ZCCHC14: variants seen among roughly 807,000 people sequenced by gnomAD.
The protein encoded by ZCCHC14 is zinc finger CCHC-type containing 14, also known as zinc finger CCHC domain-containing protein 14.
Under a neutral mutation model 85.0 loss-of-function variants are expected in ZCCHC14, and 16 were observed. The observed-to-expected ratio is 0.19, with a 90% confidence interval of 0.13 to 0.29. The LOEUF (loss-of-function observed/expected upper bound fraction) is 0.29, where lower values mean the gene tolerates loss of function less well. Ranked by LOEUF, ZCCHC14 falls within the 10% of genes least tolerant of loss-of-function variation. The pLI, the probability that ZCCHC14 is intolerant of heterozygous loss-of-function variation, is 1.00. For missense variants in ZCCHC14, 1,303 were observed against 1,443.5 expected (o/e 0.90, Z 1.58); for synonymous variants, 775 against 630.7 (o/e 1.23, Z -3.43).
chr16:87,465,680 C>T (rs146375081), intron 1 of ZCCHC14, among the ~76,000 whole-genome samples: 258 of 152,344 alleles, frequency 1.7e-3, no homozygotes, highest in African/African-American at 5.8e-3. Flanking sequence ...CTGGCTGAAA[C>T]GCAGGTTTGA....
At chr16:87,469,507 G>C (rs1911683185) in intron 1 of ZCCHC14, among the ~76,000 whole-genome samples, 1 of 152,234 alleles carries the variant, frequency 6.6e-6, no homozygotes, top group Non-Finnish European at 1.5e-5. Context: ...CCAGTGCTGG[G>C]TCCACACAGG....
intron 2 of ZCCHC14, among the ~76,000 whole-genome samples, chr16:87,449,780 C>G (rs542806510): frequency 2.0e-5 from 3 of 152,270 alleles, no homozygotes; most frequent in South Asian, 4.1e-4. Flanking sequence ...CATGGGGGCT[C>G]ACGCTTGTGA....
intron 9 of ZCCHC14, 147 bp downstream of exon 9, chr16:87,415,129 T>G: frequency 1.7e-6 from 1 of 596,154 alleles, no homozygotes; most frequent in South Asian, 2.2e-5. Context: ...AATAAATAAA[T>G]AAAAATAAAT....
At chr16:87,482,542 T>C (rs1485092754) in intron 1 of ZCCHC14, among the ~76,000 whole-genome samples, 1 of 152,094 alleles carries the variant, frequency 6.6e-6, no homozygotes, top group Non-Finnish European at 1.5e-5. Flanking sequence ...AAAAAAACCC[T>C]TCCTGGGGAT....
intron 2 of ZCCHC14, among the ~76,000 whole-genome samples, chr16:87,448,472 T>C (rs906830289): frequency 4.6e-5 from 7 of 152,172 alleles, no homozygotes; most frequent in African/African-American, 1.7e-4. Context: ...CACGAGGCCG[T>C]TTTCTTCCCG....
At chr16:87,460,245 C>T in intron 1 of ZCCHC14, 114 bp from the exon 2 acceptor site, 3 of 1,345,328 alleles carry the variant, frequency 2.2e-6, no homozygotes, top group South Asian at 1.5e-5. Flanking sequence ...TTCTACAAAA[C>T]ATGTATTATT....
chr16:87,443,036 G>T (rs1240542517), intron 2 of ZCCHC14, among the ~76,000 whole-genome samples: 1 of 152,216 alleles, frequency 6.6e-6, no homozygotes, highest in Non-Finnish European at 1.5e-5. Flanking sequence ...GGACCATCAG[G>T]AAGGAAAGAA....
chr16:87,433,089 G>C lies in ZCCHC14; in HGVS notation c.768+39C>G, dbSNP rs80015854. 0.021 allele frequency: 33,239 copies of C among 1,595,360 alleles called. 398 individuals carry two copies. The highest frequency in any genetic ancestry group is 0.024 in the Non-Finnish European group (28,376 of 1,163,622). ...CTCCAGGGTAAGTGTTTTCTTCCTA[G>C]CCTTCCAGGAGAGAGGGGAAAAAAA... On this transcript the variant is annotated intron_variant, in intron 3 of 12. Coordinates refer to ENST00000671377, the MANE Select transcript of ZCCHC14 (RefSeq NM_015144.3).
intron 2 of ZCCHC14, among the ~76,000 whole-genome samples, chr16:87,438,146 G>A (rs1365718303): frequency 1.3e-5 from 2 of 152,224 alleles, no homozygotes; most frequent in Non-Finnish European, 2.9e-5. Flanking sequence ...AACAGCAACC[G>A]GGCACGCGCT....
At chr16:87,431,472 G>GAAA (rs537437083) in intron 3 of ZCCHC14, among the ~76,000 whole-genome samples, 2 of 76,768 alleles carry the variant, frequency 2.6e-5, no homozygotes, top group African/African-American at 3.9e-5. Flanking sequence ...GGCTCTGTCT[G>GAAA]AAAAAAAAAA....
rs377493506 is a variant in ZCCHC14, at chr16:87,419,895, G to A, written c.951-18C>T. 1.9e-6 allele frequency: 3 copies of A among 1,577,990 alleles called. No homozygotes were observed. The highest frequency in any genetic ancestry group is 2.2e-5 in the East Asian group (1 of 44,534). On this transcript the variant is annotated intron_variant, in intron 5 of 12. Coordinates refer to ENST00000671377, the MANE Select transcript of ZCCHC14 (RefSeq NM_015144.3). Reference sequence around the variant, plus strand: ...CCAGGTACCTAAAAGGCAAACAAGTGGTCTTATCAACATTAAAATGGCATT... The same window carrying A: ...CCAGGTACCTAAAAGGCAAACAAGTAGTCTTATCAACATTAAAATGGCATT...
intron 1 of ZCCHC14, among the ~76,000 whole-genome samples, chr16:87,476,889 G>A (rs2150772539): frequency 6.6e-6 from 1 of 151,978 alleles, no homozygotes; most frequent in East Asian, 1.9e-4. Context: ...CACTTTGGAA[G>A]GCTGAGGAGG....
rs551285359 is a variant in ZCCHC14 at position 87,492,917 on chromosome 16, GCGGCGACGGCGA to G, written c.-691_-680del. On this transcript the variant is annotated 5_prime_UTR_variant, in exon 1 of 13. Transcript: ENST00000671377. The surrounding 1 kb of genome is among the most constrained non-coding windows in gnomAD (Gnocchi z 6.7). The stretch of plus-strand genomic sequence containing the variant: ...GGATCCGGGCCCGAGCGCGGCGGCG[GCGGCGACGGCGA>G]CGGCGACGGCGACGGCGACGGCGGA... Among the ~76,000 whole-genome samples, 2,902 of 145,312 alleles carry G rather than the reference GCGGCGACGGCGA, an allele frequency of 0.02. 67 individuals carry two copies. Among genetic ancestry groups the G allele is most frequent in the African/African-American group, 0.06 (2,351 of 39,080 alleles).
intron 1 of ZCCHC14, among the ~76,000 whole-genome samples, chr16:87,465,944 G>A (rs560135466): frequency 5.9e-5 from 9 of 152,240 alleles, no homozygotes; most frequent in Admixed American, 1.3e-4. Context: ...GTGAGCCACC[G>A]AGCCCGGTCT....
chr16:87,480,996 G>A (rs1912242904), intron 1 of ZCCHC14, among the ~76,000 whole-genome samples: 1 of 152,160 alleles, frequency 6.6e-6, no homozygotes, highest in African/African-American at 2.4e-5. Flanking sequence ...GCCAAGACCC[G>A]TAAGCCAGAA....
At chr16:87,416,797 T>C (rs991112201) in intron 8 of ZCCHC14, among the ~76,000 whole-genome samples, 3 of 152,054 alleles carry the variant, frequency 2.0e-5, no homozygotes, top group African/African-American at 7.2e-5. Flanking sequence ...AAACAAAGGG[T>C]ATTACAAATA....
At chr16:87,444,156 C>G (rs991634467) in intron 2 of ZCCHC14, among the ~76,000 whole-genome samples, 3 of 152,036 alleles carry the variant, frequency 2.0e-5, no homozygotes, top group African/African-American at 7.3e-5. Context: ...AGGGCACACA[C>G]AGCATCAGAT....
chr16:87,466,135 A>T (rs1462451281), intron 1 of ZCCHC14, among the ~76,000 whole-genome samples: 5 of 144,808 alleles, frequency 3.5e-5, no homozygotes, highest in African/African-American at 5.3e-5. Context: ...GCTTTTTTTT[A>T]AAAAAAGGTT....
At chr16:87,422,377 A>G (rs887877253) in intron 4 of ZCCHC14, among the ~76,000 whole-genome samples, 3 of 152,146 alleles carry the variant, frequency 2.0e-5, no homozygotes, top group African/African-American at 7.2e-5. Context: ...GCCAGAGTCC[A>G]GGAGAGGGGA....
Sources: gnomAD v4.1 joint callset for allele counts (sites outside exome capture counted in the v4.1 genomes callset) on GRCh38, gnomAD v4.1.1 for gene constraint, Gnocchi (gnomAD v3.1) non-coding constraint, MANE v1.5 for transcripts, NCBI Gene and HGNC (gene_info 2026-07-23, HGNC 2026-07-21) for gene names.